PLD2: variants seen among roughly 807,000 people sequenced by gnomAD.
PLD2 encodes choline phosphatase 2.
In PLD2, 101 loss-of-function variants were observed where a neutral mutation model predicts 119.8. That is an observed-to-expected ratio of 0.84 (90% CI 0.72 to 0.99). PLD2 has a LOEUF of 0.99. Among genes scored for constraint, PLD2 ranks in the 50% least tolerant of loss-of-function variants. PLD2 has a pLI of 0.00. For synonymous variants in PLD2, 494 were observed against 482.8 expected (o/e 1.02, Z -0.30); for missense variants, 1,164 against 1,226.8 (o/e 0.95, Z 0.76).
chr17:4,822,761 A>G lies in PLD2; in HGVS notation c.2699A>G (p.Gln900Arg). The stretch of plus-strand genomic sequence containing the variant: ...GCTCGGTCTGAGCTCACCCAGGTCC[A>G]GGGCCACCTGGTCCACTTCCCCCTC... Reference protein sequence around the residue: ...PLARSELTQVQGHLVHFPLKF... With the variant: ...PLARSELTQVRGHLVHFPLKF... The change falls in exon 25 of 25, where the codon CAG (glutamine) becomes CGG (arginine). Residue 900 changes from glutamine (Q) to arginine (R), a missense_variant. Transcript: ENST00000263088. 6.2e-7 allele frequency: 1 copy of G among 1,613,886 alleles called. No individual in the cohort carries two copies.
At chr17:4,815,410 T>A in intron 12 of PLD2, 66 bp from the exon 13 acceptor site, 1 of 948,806 alleles carries the variant, frequency 1.1e-6, no homozygotes, top group South Asian at 1.3e-5. Flanking sequence ...TGGAAAAGGT[T>A]TGGGAGTGTG....
chr17:4,807,466 G>T lies in PLD2; in HGVS notation c.-2+241G>T. 4.0e-6 allele frequency: 1 copy of T among 253,038 alleles called. No individual in the cohort carries two copies. Among genetic ancestry groups the T allele is most frequent in the Non-Finnish European group, 7.7e-6 (1 of 129,748 alleles). The allele number at this position is 253,038 out of a possible 1,614,324, so 15.7% of individuals were successfully genotyped here. ...GGACCACCCAGGGCCGCTTCCCCGCGCAGCTGCTGCGCCGCCCCAGGTCGG... is the reference window on the plus strand; with the variant it reads ...GGACCACCCAGGGCCGCTTCCCCGCTCAGCTGCTGCGCCGCCCCAGGTCGG... On this transcript the variant is annotated intron_variant, in intron 1 of 24. Transcript: ENST00000263088. The surrounding 1 kb of genome is among the most constrained non-coding windows in gnomAD (Gnocchi z 5.4).
In PLD2 at chr17:4,810,897, A is replaced by C. The variant is rs781131946; in HGVS notation, c.956A>C (p.Gln319Pro). ...LAQGPGRDFL[Q>P]LHRHDSYAPP... ...CAGGGCCCAGGCAGAGACTTCCTAC[A>C]GCTGCACCGGCATGACAGCTACGCC... The change falls in exon 10 of 25, where the codon CAG (glutamine) becomes CCG (proline). Residue 319 changes from glutamine (Q) to proline (P), a missense_variant. Gln to Pro is a moderately conservative substitution (Grantham distance 76, BLOSUM62 -1). Transcript: ENST00000263088. 1.2e-6 allele frequency: 2 copies of C among 1,613,830 alleles called. No homozygotes were observed. The highest frequency in any genetic ancestry group is 3.3e-5 in the Admixed American group (2 of 60,000).
intron 23 of PLD2, among the ~76,000 whole-genome samples, chr17:4,820,722 A>G (rs9635706): frequency 0.6 from 88,054 of 146,332 alleles, 27,576 homozygotes; most frequent in East Asian, 0.93. Flanking sequence ...GACTACAGGC[A>G]CCCGCCACCT....
At chr17:4,817,315 C>A in intron 17 of PLD2, 56 bp downstream of exon 17, 3 of 1,096,928 alleles carry the variant, frequency 2.7e-6, no homozygotes, top group Non-Finnish European at 2.8e-6. Context: ...CCTAACACCC[C>A]AACCCACTCT....
At chr17:4,812,556 G>A (rs1906589001) in intron 10 of PLD2, among the ~76,000 whole-genome samples, 1 of 152,032 alleles carries the variant, frequency 6.6e-6, no homozygotes, top group South Asian at 2.1e-4. Context: ...GCCTCCCAAA[G>A]TGCTGGGATT....
chr17:4,808,850 C>T lies in PLD2; in HGVS notation c.384-250C>T, dbSNP rs1445046084. On this transcript the variant is annotated intron_variant, in intron 4 of 24. Transcript: ENST00000263088. This position sits in a 1 kb window ranked among gnomAD's most constrained non-coding sequence, Gnocchi z 4.1. ...AGAGTAGCTAGGACCACAGCCACCA[C>T]ACCCAACTAATTTTTGTATATTTTG... Among the ~76,000 whole-genome samples the T allele has an allele frequency of 6.6e-6, 1 of 152,110 alleles. No homozygotes were observed. Among genetic ancestry groups the T allele is most frequent in the East Asian group, 1.9e-4 (1 of 5,188 alleles).
chr17:4,818,453 T>G (rs1348790847), intron 19 of PLD2, 41 bp from the exon 20 acceptor site: 2 of 1,598,974 alleles, frequency 1.3e-6, no homozygotes, highest in Non-Finnish European at 1.7e-6. Flanking sequence ...GGGGTGGGGT[T>G]TGAGGGACCA....
chr17:4,819,396 C>G lies in PLD2; in HGVS notation c.2309-33C>G. 6.2e-7 allele frequency: 1 copy of G among 1,610,902 alleles called. No individual in the cohort carries two copies. Among genetic ancestry groups the G allele is most frequent in the Non-Finnish European group, 8.5e-7 (1 of 1,178,518 alleles). On this transcript the variant is annotated intron_variant, in intron 22 of 24. Coordinates refer to ENST00000263088, the MANE Select transcript of PLD2 (RefSeq NM_002663.5). This position sits in a 1 kb window ranked among gnomAD's most constrained non-coding sequence, Gnocchi z 4.2. ...GGGTACTGGGGAGAGTGCCCTGGGC[C>G]CAAGCACACAGTGTGCCCCGCATCC... is the stretch of plus-strand genomic sequence containing the variant.
chr17:4,819,711 G>C lies in PLD2; in HGVS notation c.2462+129G>C, dbSNP rs1447386474. On this transcript the variant is annotated intron_variant, in intron 23 of 24. Transcript: ENST00000263088. This position sits in a 1 kb window ranked among gnomAD's most constrained non-coding sequence, Gnocchi z 4.2. The stretch of plus-strand genomic sequence containing the variant: ...TAGAGGCAGTACTAGATTCTCAATA[G>C]GCAAGGCTGGGCGCGGCAGCTCACG... The C allele has an allele frequency of 2.2e-6, 2 of 911,616 alleles. No individual in the cohort carries two copies. Among genetic ancestry groups the C allele is most frequent in the East Asian group, 2.7e-5 (1 of 37,290 alleles). 56.5% of individuals were successfully genotyped at this position (911,616 alleles called of 1,614,324 possible). A position where few individuals can be genotyped will look rare whatever the true frequency, so the allele number is the denominator to read the frequency against.
chr17:4,814,475 A>G lies in PLD2; in HGVS notation c.1068A>G (p.Gln356=), dbSNP rs1203739217. The part of the protein sequence containing the change: ...AAVADAILRA[Q]EEIFITDWWL... ...TGGCAGATGCCATCCTTCGAGCTCA[A>G]GAGGAGATTTTCATCACAGACTGGT... The change falls in exon 11 of 25, where the codon CAA becomes CAG. Residue 356 remains glutamine, a synonymous_variant. Transcript: ENST00000263088. 4 of 1,613,506 alleles carry G rather than the reference A, an allele frequency of 2.5e-6. No homozygotes were observed. Among genetic ancestry groups the G allele is most frequent in the African/African-American group, 1.3e-5 (1 of 75,006 alleles).
In PLD2 at chr17:4,807,278, G is replaced by C. The variant is rs1285261943; in HGVS notation, c.-2+53G>C. 1 of 152,292 alleles carries C rather than the reference G, an allele frequency of 6.6e-6. No individual in the cohort carries two copies. The highest frequency in any genetic ancestry group is 1.9e-4 in the East Asian group (1 of 5,172). The allele number at this position is 152,292 out of a possible 1,614,324, so 9.4% of individuals were successfully genotyped here. On this transcript the variant is annotated intron_variant, in intron 1 of 24. Coordinates refer to ENST00000263088, the MANE Select transcript of PLD2 (RefSeq NM_002663.5). The surrounding 1 kb of genome is among the most constrained non-coding windows in gnomAD (Gnocchi z 5.4). ...GGGTCCCGGGTCTCGGAAATCGGGC[G>C]GGGACGGAACGGGCTCGGGCTGCGG...
rs1240192062 is a variant in PLD2 at position 4,822,819 on chromosome 17, G to A, written c.2757G>A (p.Pro919=). The change falls in exon 25 of 25, where the codon CCG becomes CCA. Residue 919 remains proline, a synonymous_variant. Transcript: ENST00000263088. ...KFLEDESLLP[P]LGSKEGMIPL... ...TAGAGGATGAGTCTTTGCTGCCCCC[G>A]CTGGGTAGCAAGGAGGGCATGATCC... is the stretch of plus-strand genomic sequence containing the variant. 26 of 1,612,690 alleles carry A rather than the reference G, an allele frequency of 1.6e-5. No individual in the cohort carries two copies. The highest frequency in any genetic ancestry group is 1.6e-4 in the Middle Eastern group (1 of 6,078).
At position 4,807,580 on chromosome 17, in the gene PLD2, G is replaced by A; in HGVS notation, c.-1-192G>A. Reference sequence around the variant, plus strand: ...GGGCGGGACTGGGATTGTGGATGAAGGACTAAGGTAGGGGATGGGGGCTCG... The same window carrying A: ...GGGCGGGACTGGGATTGTGGATGAAAGACTAAGGTAGGGGATGGGGGCTCG... On this transcript the variant is annotated intron_variant, in intron 1 of 24. Coordinates refer to ENST00000263088, the MANE Select transcript of PLD2 (RefSeq NM_002663.5). The surrounding 1 kb of genome is among the most constrained non-coding windows in gnomAD (Gnocchi z 5.4). 1 of 527,452 alleles carries A rather than the reference G, an allele frequency of 1.9e-6. No homozygotes were observed. 32.7% of individuals were successfully genotyped at this position (527,452 alleles called of 1,614,324 possible).
intron 23 of PLD2, among the ~76,000 whole-genome samples, chr17:4,820,573 CTT>C (rs1229147405): frequency 2.1e-4 from 23 of 111,730 alleles, no homozygotes; most frequent in African/African-American, 6.5e-4. Flanking sequence ...AAAAAAAAAT[CTT>C]TTTTTTTTTT....
Position 4,814,721 on chromosome 17 carries a change from G to A in PLD2, c.1173+10G>A, listed in dbSNP as rs1404636311. On this transcript the variant is annotated intron_variant, in intron 12 of 24. Coordinates refer to ENST00000263088, the MANE Select transcript of PLD2 (RefSeq NM_002663.5). ...GCTCAAGAGGAAGGCGGTGAGGAGA[G>A]TGGTCAGGCCGCAGGGGGAGGGGGT... 6.2e-7 allele frequency: 1 copy of A among 1,613,634 alleles called. No individual in the cohort carries two copies. Among genetic ancestry groups the A allele is most frequent in the Admixed American group, 1.7e-5 (1 of 59,968 alleles).
In PLD2 at chr17:4,807,710, T is replaced by G; in HGVS notation, c.-1-62T>G. 14 of 876,150 alleles carry G rather than the reference T, an allele frequency of 1.6e-5. No homozygotes were observed. The highest frequency in any genetic ancestry group is 2.8e-4 in the Middle Eastern group (1 of 3,554). The allele number at this position is 876,150 out of a possible 1,614,324, so 54.3% of individuals were successfully genotyped here. On this transcript the variant is annotated intron_variant, in intron 1 of 24. Transcript: ENST00000263088. The surrounding 1 kb of genome is among the most constrained non-coding windows in gnomAD (Gnocchi z 5.4). ...GGAAGAGATGGAGGACCTGCGGGAG[T>G]TAGGATGGGGGGCGGGTTCTGCAGG...
At chr17:4,811,882 A>G (rs1411601152) in intron 10 of PLD2, among the ~76,000 whole-genome samples, 1 of 151,602 alleles carries the variant, frequency 6.6e-6, no homozygotes, top group Non-Finnish European at 1.5e-5. Context: ...TAGTGTGATC[A>G]TGGCTCACGG....
Position 4,816,734 on chromosome 17 carries a change from C to A in PLD2, c.1570C>A (p.Arg524=). 2 of 1,614,174 alleles carry A rather than the reference C, an allele frequency of 1.2e-6. No homozygotes were observed. The highest frequency in any genetic ancestry group is 1.6e-4 in the Middle Eastern group (1 of 6,062). The change falls in exon 15 of 25, where the codon CGG becomes AGG. Residue 524 remains arginine (R), a synonymous_variant. Transcript: ENST00000263088. Reference sequence around the variant, plus strand: ...CACCAAGGACTGGGTGCAGCTGGACCGGCCTTTCGAAGGTGAAGCCTCCCA... The same window carrying A: ...CACCAAGGACTGGGTGCAGCTGGACAGGCCTTTCGAAGGTGAAGCCTCCCA... ...LITKDWVQLD[R]PFEDFIDRET...
Sources: gnomAD v4.1 joint callset for allele counts (sites outside exome capture counted in the v4.1 genomes callset) on GRCh38, gnomAD v4.1.1 for gene constraint, Gnocchi (gnomAD v3.1) non-coding constraint, MANE v1.5 for transcripts, NCBI Gene and HGNC (gene_info 2026-07-23, HGNC 2026-07-21) for gene names.